The following SYK variants were observed in gnomAD, a reference collection of about 807,000 sequenced individuals.
SYK encodes the protein spleen associated tyrosine kinase.
Under a neutral mutation model 77.8 loss-of-function variants are expected in SYK, and 16 were observed. The ratio of observed to expected loss-of-function variants is 0.21; its 90% CI spans 0.14 to 0.31. SYK has a LOEUF of 0.31. SYK is among the 10% of genes least tolerant of loss of function. The pLI is 1.00. For synonymous variants in SYK, 312 were observed against 308.7 expected, an observed-to-expected ratio of 1.01 and a Z score of -0.11; for missense variants, 529 against 814.4, an observed-to-expected ratio of 0.65 and a Z score of 4.26.
At chr9:90,815,773 C>G (rs978920769) in intron 1 of SYK, among the ~76,000 whole-genome samples, 1 of 152,230 alleles carries the variant, frequency 6.6e-6, no homozygotes, top group Non-Finnish European at 1.5e-5. Flanking sequence ...GGAATGTGCT[C>G]GGCTCTGTGC....
At chr9:90,883,521 C>T (rs2118917410) in intron 11 of SYK, among the ~76,000 whole-genome samples, 1 of 152,270 alleles carries the variant, frequency 6.6e-6, no homozygotes, top group East Asian at 1.9e-4. Flanking sequence ...CTACTCTGCA[C>T]CTATTGAGAG....
rs548248397 is a variant in SYK, at chr9:90,803,831, C to A, written c.-42+1938C>A. On this transcript the variant is annotated intron_variant, in intron 1 of 13. Transcript: ENST00000375754. Reference sequence around the variant, plus strand: ...AGAAAGGTAAACATACATGTTGACCCTGCTGGTTACATGCCATTCCAATAT... The same window carrying A: ...AGAAAGGTAAACATACATGTTGACCATGCTGGTTACATGCCATTCCAATAT... Among the ~76,000 whole-genome samples, 50 of 152,240 alleles carry A rather than the reference C, an allele frequency of 3.3e-4. No individual in the cohort carries two copies. The East Asian group carries it at 8.7e-3, about 26-fold the overall frequency.
intron 1 of SYK, among the ~76,000 whole-genome samples, chr9:90,843,070 C>T (rs1391101288): frequency 6.6e-6 from 1 of 152,126 alleles, no homozygotes. Flanking sequence ...GGCTGGGAAC[C>T]GGCACTATCT....
intron 1 of SYK, among the ~76,000 whole-genome samples, chr9:90,808,461 GTT>G (rs10573213): frequency 0.056 from 7,929 of 142,860 alleles, 260 homozygotes; most frequent in African/African-American, 0.077. Context: ...GTGTGTGTTG[GTT>G]TTTTTTTTTT....
chr9:90,850,824 A>T (rs10993714), intron 3 of SYK, among the ~76,000 whole-genome samples: 8,978 of 152,072 alleles, frequency 0.059, 484 homozygotes, highest in East Asian at 0.22. Context: ...AGCCATCACA[A>T]AATGCCTTTG....
At chr9:90,803,614 G>T (rs374257497) in intron 1 of SYK, among the ~76,000 whole-genome samples, 2 of 151,946 alleles carry the variant, frequency 1.3e-5, no homozygotes, top group African/African-American at 2.4e-5. Flanking sequence ...CTAAATGCAG[G>T]TCTAATCTCT....
Position 90,884,392 on chromosome 9 carries a change from T to C in SYK, c.1582-3357T>C, listed in dbSNP as rs1409240217. Among the ~76,000 whole-genome samples the C allele has an allele frequency of 4.1e-4, 26 of 62,660 alleles. 1 individual carries two copies. The highest frequency in any genetic ancestry group is 7.1e-4 in the African/African-American group (9 of 12,646). 41.1% of individuals were successfully genotyped at this position (62,660 alleles called of 152,430 possible). On this transcript the variant is annotated intron_variant, in intron 11 of 13. Coordinates refer to ENST00000375754, the MANE Select transcript of SYK (RefSeq NM_003177.7). Reference sequence around the variant, plus strand: ...ATACACACATACGTGTATATATGCATACATACACATATGTGTATATATACA... The same window carrying C: ...ATACACACATACGTGTATATATGCACACATACACATATGTGTATATATACA...
intron 3 of SYK, among the ~76,000 whole-genome samples, chr9:90,846,787 C>G (rs185636046): frequency 6.6e-6 from 1 of 151,698 alleles, no homozygotes; most frequent in African/African-American, 2.4e-5. Flanking sequence ...TGGGATGCAG[C>G]CCCAGCCAGC....
At chr9:90,836,864 A>G (rs4744510) in intron 1 of SYK, among the ~76,000 whole-genome samples, 131,265 of 152,112 alleles carry the variant, frequency 0.86, 57,047 homozygotes, top group Middle Eastern at 0.93. Context: ...GACTGTAGCC[A>G]TGGTTGCCTG....
chr9:90,813,820 G>A (rs1308874323), intron 1 of SYK, among the ~76,000 whole-genome samples: 1 of 152,190 alleles, frequency 6.6e-6, no homozygotes, highest in African/African-American at 2.4e-5. Flanking sequence ...AATAAGCTGT[G>A]TCTAGATCCT....
chr9:90,852,371 A>G (rs748440547), intron 3 of SYK, among the ~76,000 whole-genome samples: 6 of 152,182 alleles, frequency 3.9e-5, no homozygotes, highest in East Asian at 3.8e-4. Flanking sequence ...GGTTCACACA[A>G]TGTGGTTTAT....
In SYK at chr9:90,895,559, G is replaced by A; in HGVS notation, c.1867G>A (p.Glu623Lys). ...AAACAGGCCCGGATTCGCAGCAGTGGAACTGCGGCTGCGCAATTACTACTA... is the reference window on the plus strand; with the variant it reads ...AAACAGGCCCGGATTCGCAGCAGTGAAACTGCGGCTGCGCAATTACTACTA... ...VENRPGFAAV[E>K]LRLRNYYYDV... is the part of the protein sequence containing the mutation. Residue 623 changes from glutamate (E) to lysine (K), a missense_variant, in exon 14 of 14, where the codon GAA becomes AAA. Around this residue, in one of 2 missense-constraint regions of SYK, gnomAD observed 208 missense variants for 381.3 expected, o/e 0.55. Transcript: ENST00000375754. This position sits in a 1 kb window ranked among gnomAD's most constrained non-coding sequence, Gnocchi z 4.4. 6.2e-7 allele frequency: 1 copy of A among 1,614,112 alleles called. No homozygotes were observed. Among genetic ancestry groups the A allele is most frequent in the Non-Finnish European group, 8.5e-7 (1 of 1,180,030 alleles).
At chr9:90,805,234 G>T (rs1021828679) in intron 1 of SYK, among the ~76,000 whole-genome samples, 1 of 152,214 alleles carries the variant, frequency 6.6e-6, no homozygotes, top group Non-Finnish European at 1.5e-5. Flanking sequence ...CTGGATTACT[G>T]AGGAGTACTG....
At chr9:90,842,613 G>A (rs941078308) in intron 1 of SYK, among the ~76,000 whole-genome samples, 10 of 150,624 alleles carry the variant, frequency 6.6e-5, no homozygotes, top group Admixed American at 1.3e-4. Flanking sequence ...AGTGTGTTTC[G>A]TGTGTGTGGT....
In SYK at chr9:90,874,199, T is replaced by C. The variant is rs200374242; in HGVS notation, c.916-5T>C. The C allele has an allele frequency of 1.2e-6, 2 of 1,613,824 alleles. No homozygotes were observed. The highest frequency in any genetic ancestry group is 1.7e-6 in the Non-Finnish European group (2 of 1,179,664). ...AAACAACCTGTTGTCCTTTATGTAC[T>C]TTAGTCCTCCCCTGCCCAAGGGAAC... On this transcript the variant is annotated splice_region_variant and splice_polypyrimidine_tract_variant and intron_variant, in intron 7 of 13. Coordinates refer to ENST00000375754, the MANE Select transcript of SYK (RefSeq NM_003177.7).
At chr9:90,852,810 A>G (rs576386769) in intron 3 of SYK, among the ~76,000 whole-genome samples, 1 of 152,354 alleles carries the variant, frequency 6.6e-6, no homozygotes, top group African/African-American at 2.4e-5. Flanking sequence ...TCAACCAGAC[A>G]TGCAGCAGGC....
chr9:90,827,522 A>G (rs1354177355), intron 1 of SYK: 1 of 152,052 alleles, frequency 6.6e-6, no homozygotes, highest in Non-Finnish European at 1.5e-5. Flanking sequence ...CCCTTCCCAC[A>G]TTCTATACTG....
chr9:90,842,835 G>T (rs1249605955), intron 1 of SYK, among the ~76,000 whole-genome samples: 2 of 151,364 alleles, frequency 1.3e-5, no homozygotes, highest in South Asian at 2.1e-4. Flanking sequence ...CTGGATAAAT[G>T]GATGGAGTCA....
chr9:90,853,735 C>T (rs1300527133), intron 3 of SYK, among the ~76,000 whole-genome samples: 3 of 151,726 alleles, frequency 2.0e-5, no homozygotes, highest in South Asian at 2.1e-4. Context: ...GTGGGAGGAG[C>T]GGGGAGGGAT....
Sources: gnomAD v4.1 joint callset for allele counts (sites outside exome capture counted in the v4.1 genomes callset) on GRCh38, gnomAD v4.1.1 for gene constraint, gnomAD v4.1.1 regional missense constraint, Gnocchi (gnomAD v3.1) non-coding constraint, MANE v1.5 for transcripts, NCBI Gene and HGNC (gene_info 2026-07-23, HGNC 2026-07-21) for gene names.